Variants in SLC14A2 observed in about 807,000 individuals in gnomAD.
The protein encoded by SLC14A2 is solute carrier family 14 member 2.
SLC14A2 carries 91 observed loss-of-function variants against 104.6 expected under a neutral mutation model. The ratio of observed to expected loss-of-function variants is 0.87; its 90% CI spans 0.73 to 1.04. The LOEUF is 1.04. Ranked by LOEUF, SLC14A2 falls within the 50% of genes least tolerant of loss-of-function variation. SLC14A2 has a pLI of 0.00. For synonymous variants in SLC14A2, 476 were observed against 466.4 expected (o/e 1.02, Z -0.27); for missense variants, 1,189 against 1,156.0 (o/e 1.03, Z -0.41).
At chr18:45,418,984 T>A (rs994188350) in intron 1 of SLC14A2, among the ~76,000 whole-genome samples, 1 of 152,194 alleles carries the variant, frequency 6.6e-6, no homozygotes, top group Non-Finnish European at 1.5e-5. Context: ...CAATTGGTTA[T>A]ATTTGGGCTG....
At chr18:45,391,594 C>T (rs1444532890) in intron 1 of SLC14A2, among the ~76,000 whole-genome samples, 2 of 152,250 alleles carry the variant, frequency 1.3e-5, no homozygotes, top group Non-Finnish European at 2.9e-5. Flanking sequence ...CCTGTTGTTT[C>T]CTGACTTTTT....
At chr18:45,610,572 G>A (rs891637246), upstream of SLC14A2, among the ~76,000 whole-genome samples, 1 of 152,188 alleles carries the variant, frequency 6.6e-6, no homozygotes, top group Non-Finnish European at 1.5e-5. Flanking sequence ...GAAGCTGAAA[G>A]GGAAGGGGAA....
chr18:45,672,905 G>A lies in SLC14A2; in HGVS notation c.2235G>A (p.Leu745=). The part of the protein sequence containing the change: ...TWSEVQVPLL[L]RAIPVGIGQV... Reference sequence around the variant, plus strand: ...TAATCCTGTTATGCCTACAGCTTTTGAGAGCCATCCCCGTTGGAATTGGCC... The same window carrying A: ...TAATCCTGTTATGCCTACAGCTTTTAAGAGCCATCCCCGTTGGAATTGGCC... Residue 745 remains leucine (L), a synonymous_variant, in exon 17 of 20, where the codon TTG becomes TTA. Transcript: ENST00000255226. The A allele has an allele frequency of 6.2e-7, 1 of 1,613,182 alleles. No individual in the cohort carries two copies. The highest frequency in any genetic ancestry group is 8.5e-7 in the Non-Finnish European group (1 of 1,179,598).
At chr18:45,655,232 A>C (rs1295460766) in intron 10 of SLC14A2, among the ~76,000 whole-genome samples, 1 of 152,208 alleles carries the variant, frequency 6.6e-6, no homozygotes, top group African/African-American at 2.4e-5. Flanking sequence ...TAGCCATGCC[A>C]TAAGGAACAA....
At chr18:45,579,906 G>C (rs1202309285) in intron 2 of SLC14A2, among the ~76,000 whole-genome samples, 4 of 152,160 alleles carry the variant, frequency 2.6e-5, no homozygotes, top group Non-Finnish European at 5.9e-5. Flanking sequence ...CATGCAAAGA[G>C]TTAAGAAGAA....
At chr18:45,340,542 T>C (rs976743485) in intron 1 of SLC14A2, among the ~76,000 whole-genome samples, 2 of 152,224 alleles carry the variant, frequency 1.3e-5, no homozygotes, top group Non-Finnish European at 2.9e-5. Flanking sequence ...CATCATAGAA[T>C]GCCTAACAGA....
chr18:45,633,328 G>A (rs1416968110), intron 5 of SLC14A2, among the ~76,000 whole-genome samples: 3 of 152,212 alleles, frequency 2.0e-5, no homozygotes, highest in Non-Finnish European at 4.4e-5. Flanking sequence ...GCTTGTGATA[G>A]AAGCAGAGAG....
chr18:45,620,532 C>A (rs2045149008), intron 1 of SLC14A2, among the ~76,000 whole-genome samples: 1 of 152,006 alleles, frequency 6.6e-6, no homozygotes, highest in South Asian at 2.1e-4. Context: ...TTCCCTTGTG[C>A]AATAATAATA....
intron 2 of SLC14A2, among the ~76,000 whole-genome samples, chr18:45,553,883 A>G (rs905341455): frequency 1.3e-5 from 2 of 152,186 alleles, no homozygotes; most frequent in Non-Finnish European, 2.9e-5. Flanking sequence ...CACGCTCAAT[A>G]AGAATTTGTG....
chr18:45,257,774 T>C (rs2084494945), intron 1 of SLC14A2, among the ~76,000 whole-genome samples: 1 of 152,166 alleles, frequency 6.6e-6, no homozygotes. Context: ...GTCAAGTATG[T>C]TTATATTACC....
At chr18:45,411,318 AGTTCCTT>A (rs1160375214) in intron 1 of SLC14A2, among the ~76,000 whole-genome samples, 46 of 152,240 alleles carry the variant, frequency 3.0e-4, no homozygotes, top group African/African-American at 1.1e-3. Context: ...AATTTAAATT[AGTTCCTT>A]TGCTTTTATT....
intron 5 of SLC14A2, among the ~76,000 whole-genome samples, chr18:45,636,752 G>A (rs1457581905): frequency 1.3e-5 from 2 of 151,964 alleles, no homozygotes; most frequent in African/African-American, 2.4e-5. Context: ...TCTCAGAGGT[G>A]TAAGCTTATG....
At chr18:45,433,385 C>T (rs2086547812) in intron 1 of SLC14A2, among the ~76,000 whole-genome samples, 1 of 152,212 alleles carries the variant, frequency 6.6e-6, no homozygotes, top group Non-Finnish European at 1.5e-5. Flanking sequence ...CCCTTATCTT[C>T]CTAGGCCTTC....
chr18:45,441,602 T>C (rs2086683312), intron 1 of SLC14A2, among the ~76,000 whole-genome samples: 1 of 152,200 alleles, frequency 6.6e-6, no homozygotes, highest in Non-Finnish European at 1.5e-5. Context: ...TCTCTGTGTT[T>C]GTGTGCATGC....
chr18:45,633,289 C>T (rs574088006), intron 5 of SLC14A2, among the ~76,000 whole-genome samples: 3 of 152,134 alleles, frequency 2.0e-5, no homozygotes, highest in Non-Finnish European at 2.9e-5. Context: ...TATTATGTGA[C>T]GTAACCAAGA....
At chr18:45,401,154 C>T (rs1013524708) in intron 1 of SLC14A2, among the ~76,000 whole-genome samples, 8 of 152,182 alleles carry the variant, frequency 5.3e-5, no homozygotes, top group Non-Finnish European at 1.2e-4. Flanking sequence ...ATTAAAATGT[C>T]ACCTTATGAG....
intron 1 of SLC14A2, among the ~76,000 whole-genome samples, chr18:45,439,821 G>T (rs2086654701): frequency 6.6e-6 from 1 of 152,202 alleles, no homozygotes; most frequent in South Asian, 2.1e-4. Flanking sequence ...TCCAGGGAAA[G>T]ACTTGACACC....
At chr18:45,523,316 GT>G (rs1220877852) in intron 2 of SLC14A2, among the ~76,000 whole-genome samples, 15 of 148,042 alleles carry the variant, frequency 1.0e-4, no homozygotes, top group East Asian at 2.0e-4. Flanking sequence ...CCATCACCAG[GT>G]TTTTTTTTTG....
At chr18:45,279,345 T>C (rs1228315585) in intron 1 of SLC14A2, among the ~76,000 whole-genome samples, 2 of 152,248 alleles carry the variant, frequency 1.3e-5, no homozygotes, top group Non-Finnish European at 2.9e-5. Flanking sequence ...TGAAGTTTCC[T>C]CGTACTGCTC....
Sources: gnomAD v4.1 joint callset for allele counts (sites outside exome capture counted in the v4.1 genomes callset) on GRCh38, gnomAD v4.1.1 for gene constraint, MANE v1.5 for transcripts, NCBI Gene and HGNC (gene_info 2026-07-23, HGNC 2026-07-21) for gene names.